Variants in CLECL1 observed in about 807,000 individuals in gnomAD.
CLECL1 encodes C-type lectin-like domain family 1.
At chr12:9,703,790 C>T in the CLECL1 span, among the ~76,000 whole-genome samples, 1 of 151,890 alleles carries the variant, frequency 6.6e-6, no homozygotes, top group Non-Finnish European at 1.5e-5. Context: ...CTGGAATATC[C>T]TGCTTTAAAA....
At chr12:9,722,457 C>T, downstream of CLECL1, 2 of 1,165,666 alleles carry the variant, frequency 1.7e-6, no homozygotes, top group Non-Finnish European at 1.1e-6. Context: ...ATTTCCCCTC[C>T]TCCTAGCCGG....
downstream of CLECL1, chr12:9,722,539 C>T (rs988990769): frequency 1.3e-5 from 19 of 1,487,578 alleles, no homozygotes; most frequent in Non-Finnish European, 1.6e-5. Flanking sequence ...TAGTTAATAA[C>T]ACATGAAGTT....
upstream of CLECL1, among the ~76,000 whole-genome samples, chr12:9,733,858 A>G (rs1408867711): frequency 6.6e-6 from 1 of 152,260 alleles, no homozygotes; most frequent in Non-Finnish European, 1.5e-5. Context: ...CTAAAACAAT[A>G]ACACAAAGGC....
chr12:9,710,992 G>T (rs190002278), downstream of CLECL1, among the ~76,000 whole-genome samples: 12 of 152,328 alleles, frequency 7.9e-5, no homozygotes, highest in East Asian at 1.9e-3. Context: ...CTGTCCTTGT[G>T]ATAAGGCAGG....
chr12:9,732,560 G>A (rs1265753658), intron 1 of CLECL1, among the ~76,000 whole-genome samples: 2 of 152,178 alleles, frequency 1.3e-5, no homozygotes, highest in Non-Finnish European at 2.9e-5. Context: ...TGAGTAAATT[G>A]CCACAGGTAT....
chr12:9,734,176 C>A (rs904311488), upstream of CLECL1, among the ~76,000 whole-genome samples: 9 of 152,222 alleles, frequency 5.9e-5, no homozygotes, highest in Non-Finnish European at 1.2e-4. Context: ...ACTGCAGTCA[C>A]CCCATCCCTA....
chr12:9,712,483 G>A (rs1164312616), downstream of CLECL1, among the ~76,000 whole-genome samples: 1 of 152,166 alleles, frequency 6.6e-6, no homozygotes, highest in African/African-American at 2.4e-5. Context: ...CATGAACAAT[G>A]CAATCTACAA....
At chr12:9,708,942 G>T in the CLECL1 span, 1,507 of 243,592 alleles carry the variant, frequency 6.2e-3, 15 homozygotes, top group African/African-American at 0.027. Flanking sequence ...CCATTGGGAC[G>T]GCTTTGACCC....
downstream of CLECL1, chr12:9,718,696 A>G (rs761255888): frequency 1.0e-5 from 7 of 699,718 alleles, no homozygotes; most frequent in South Asian, 7.5e-5. Context: ...TACAAGAAGA[A>G]ATTTGGATAC....
chr12:9,732,401 T>C (rs773183831), intron 1 of CLECL1, among the ~76,000 whole-genome samples: 6 of 152,238 alleles, frequency 3.9e-5, no homozygotes, highest in African/African-American at 7.2e-5. Context: ...CCATGTTAAG[T>C]TTAGGCATAT....
At chr12:9,719,713 G>C (rs1866285787), downstream of CLECL1, among the ~76,000 whole-genome samples, 1 of 152,170 alleles carries the variant, frequency 6.6e-6, no homozygotes, top group Non-Finnish European at 1.5e-5. Context: ...GGGTGAGAAA[G>C]AGTGAGATCC....
downstream of CLECL1, among the ~76,000 whole-genome samples, chr12:9,719,579 T>TG (rs1866284372): frequency 6.6e-6 from 1 of 152,066 alleles, no homozygotes; most frequent in South Asian, 2.1e-4. Context: ...CATAGCAAGA[T>TG]GCCCATCTCT....
exon 2 of CLECL1, among the ~76,000 whole-genome samples, chr12:9,729,618 C>A (rs1340194572): frequency 6.6e-6 from 1 of 151,984 alleles, no homozygotes; most frequent in African/African-American, 2.4e-5. Context: ...ATTACTATTA[C>A]CAGAAGGATA....
At chr12:9,730,460 A>T (rs1866433776) in intron 1 of CLECL1, among the ~76,000 whole-genome samples, 1 of 152,246 alleles carries the variant, frequency 6.6e-6, no homozygotes, top group Non-Finnish European at 1.5e-5. Context: ...AATCATATCA[A>T]GACTAAATGG....
At chr12:9,730,512 GTGC>G (rs1866434330) in intron 1 of CLECL1, among the ~76,000 whole-genome samples, 1 of 152,090 alleles carries the variant, frequency 6.6e-6, no homozygotes, top group African/African-American at 2.4e-5. Context: ...ATTGTTTTAT[GTGC>G]TGATTATTAT....
the CLECL1 span, chr12:9,709,039 A>G: frequency 3.5e-5 from 6 of 170,668 alleles, no homozygotes; most frequent in Non-Finnish European, 7.5e-5. Context: ...AGTTGGCCTC[A>G]GGAAGGAACC....
chr12:9,718,838 T>C (rs1237149962), downstream of CLECL1: 4 of 671,604 alleles, frequency 6.0e-6, no homozygotes, highest in African/African-American at 5.4e-5. Flanking sequence ...ATCTTGGACT[T>C]CTAGGCTTTA....
chr12:9,717,183 G>A (rs1206941039), intron 2 of CLECL1, among the ~76,000 whole-genome samples: 1 of 152,174 alleles, frequency 6.6e-6, no homozygotes, highest in African/African-American at 2.4e-5. Flanking sequence ...GGCGGAGGCG[G>A]GCAGATCACG....
chr12:9,703,919 A>G, the CLECL1 span, among the ~76,000 whole-genome samples: 1 of 151,950 alleles, frequency 6.6e-6, no homozygotes, highest in African/African-American at 2.4e-5. Flanking sequence ...AACATATTCT[A>G]TGTATTGTGT....
Sources: allele counts gnomAD v4.1 joint callset (sites outside exome capture counted in the v4.1 genomes callset), GRCh38; gene constraint gnomAD v4.1.1; transcripts MANE v1.5; gene names NCBI Gene and HGNC (gene_info 2026-07-23, HGNC 2026-07-21).